The following HPS4 variants were observed in gnomAD, a reference collection of about 807,000 sequenced individuals.
HPS4 encodes the protein BLOC-3 complex member HPS4.
HPS4 carries 44 observed loss-of-function variants against 70.3 expected under a neutral mutation model. The observed-to-expected ratio is 0.63, with a 90% CI of 0.49 to 0.80. The LOEUF (loss-of-function observed/expected upper bound fraction) is 0.80, where lower values mean the gene tolerates loss of function less well. Ranked by LOEUF, HPS4 falls within the 30% of genes least tolerant of loss-of-function variation. The pLI is 0.00. For missense variants in HPS4, 873 were observed against 884.4 expected (o/e 0.99, Z 0.16); for synonymous variants, 377 against 355.9 (o/e 1.06, Z -0.67).
At chr22:26,455,384 A>C (rs2085913121) in intron 13 of HPS4, among the ~76,000 whole-genome samples, 1 of 151,890 alleles carries the variant, frequency 6.6e-6, no homozygotes, top group Admixed American at 6.6e-5. Context: ...CATATACACC[A>C]TGGAATACTA....
At chr22:26,468,189 CACCGT>C in intron 8 of HPS4, 1 of 306,838 alleles carries the variant, frequency 3.3e-6, no homozygotes, top group Non-Finnish European at 6.3e-6. Context: ...AGGTGTGAAC[CACCGT>C]GCCCAACCCC....
intron 6 of HPS4, chr22:26,471,398 C>A: frequency 2.2e-6 from 1 of 456,250 alleles, no homozygotes; most frequent in Non-Finnish European, 4.4e-6. Context: ...CCTAAAAATA[C>A]AAGAAAAGCA....
At chr22:26,450,317 G>T (rs2085102599), downstream of HPS4, among the ~76,000 whole-genome samples, 1 of 152,206 alleles carries the variant, frequency 6.6e-6, no homozygotes, top group African/African-American at 2.4e-5. Flanking sequence ...CCCACCCCGA[G>T]CAGGGCGGGG....
At chr22:26,461,877 A>C (rs1290266320) in intron 11 of HPS4, among the ~76,000 whole-genome samples, 1 of 152,222 alleles carries the variant, frequency 6.6e-6, no homozygotes, top group Admixed American at 6.5e-5. Flanking sequence ...CTGTAATCCC[A>C]GCACTTTGGG....
At position 26,453,694 on chromosome 22, in the gene HPS4, G is replaced by T. The variant is rs1334037156; in HGVS notation, c.1956-290C>A. ...ATAAGTATTGCATAAAGGAACTGTG[G>T]AGTGCTGGCTTTTTTGACATACTGG... is the stretch of plus-strand genomic sequence containing the variant. On this transcript the variant is annotated intron_variant, in intron 13 of 13. Transcript: ENST00000398145. 8 of 476,218 alleles carry T rather than the reference G, an allele frequency of 1.7e-5. No homozygotes were observed. The East Asian group carries it at 3.3e-4, about 20-fold the overall frequency. 29.5% of individuals were successfully genotyped at this position (476,218 alleles called of 1,614,324 possible).
At chr22:26,483,122 T>C (rs1448183278) in intron 1 of HPS4, among the ~76,000 whole-genome samples, 1 of 152,154 alleles carries the variant, frequency 6.6e-6, no homozygotes, top group African/African-American at 2.4e-5. Context: ...TCTAGATATT[T>C]TGGATTGGGC....
chr22:26,465,786 G>C, intron 9 of HPS4: 1 of 581,288 alleles, frequency 1.7e-6, no homozygotes, highest in Admixed American at 3.0e-5. Context: ...GAAGATGTTC[G>C]GGAGAGAAAG....
At chr22:26,480,355 T>C (rs573469376) in intron 2 of HPS4, among the ~76,000 whole-genome samples, 235 of 152,206 alleles carry the variant, frequency 1.5e-3, no homozygotes, top group African/African-American at 5.2e-3. Flanking sequence ...TTAAATTTTT[T>C]ATAGAAACGA....
chr22:26,453,157 G>A lies in HPS4; in HGVS notation c.*76C>T. 1 of 1,389,114 alleles carries A rather than the reference G, an allele frequency of 7.2e-7. No individual in the cohort carries two copies. The highest frequency in any genetic ancestry group is 1.2e-5 in the South Asian group (1 of 83,550). 86.0% of individuals were successfully genotyped at this position (1,389,114 alleles called of 1,614,324 possible). A position where few individuals can be genotyped will look rare whatever the true frequency, so the allele number is the denominator to read the frequency against. On this transcript the variant is annotated 3_prime_UTR_variant, in exon 14 of 14. Coordinates refer to ENST00000398145, the MANE Select transcript of HPS4 (RefSeq NM_022081.6). ...GAATGTTTTCAAGAAAAATAAAATAGAGGGGCCTTTTCAATTATAAAAGGC... is the reference window on the plus strand; with the variant it reads ...GAATGTTTTCAAGAAAAATAAAATAAAGGGGCCTTTTCAATTATAAAAGGC...
intron 9 of HPS4, 134 bp from the exon 10 acceptor site, chr22:26,465,685 C>T (rs762458331): frequency 2.2e-4 from 162 of 721,500 alleles, no homozygotes; most frequent in Non-Finnish European, 3.4e-4. Flanking sequence ...ATTCCTCAGC[C>T]AGGACACAGG....
At chr22:26,450,280 C>T (rs918904576), downstream of HPS4, among the ~76,000 whole-genome samples, 22 of 152,182 alleles carry the variant, frequency 1.4e-4, no homozygotes, top group African/African-American at 5.1e-4. Context: ...GGGAGGCTCA[C>T]ACCAGAGAAA....
intron 4 of HPS4, 148 bp from the exon 5 acceptor site, chr22:26,473,087 T>C (rs984817574): frequency 1.4e-6 from 1 of 703,270 alleles, no homozygotes; most frequent in African/African-American, 1.8e-5. Context: ...CCCTTCATTC[T>C]GGCCAAGTTA....
intron 5 of HPS4, among the ~76,000 whole-genome samples, chr22:26,472,630 T>C (rs1329789995): frequency 6.6e-6 from 1 of 152,160 alleles, no homozygotes; most frequent in Non-Finnish European, 1.5e-5. Context: ...AGGGAGGAGA[T>C]GGGGATAAAC....
At chr22:26,460,976 G>A (rs1028366880) in intron 11 of HPS4, among the ~76,000 whole-genome samples, 8 of 152,232 alleles carry the variant, frequency 5.3e-5, no homozygotes, top group Non-Finnish European at 1.0e-4. Context: ...GTGCAAAGCT[G>A]AAAATATTTG....
At chr22:26,463,864 CAGG>C (rs2087849581) in intron 11 of HPS4, 50 bp downstream of exon 11, 3 of 1,577,640 alleles carry the variant, frequency 1.9e-6, no homozygotes, top group East Asian at 2.2e-5. Context: ...GAGGGAAGCA[CAGG>C]AGATCGGCAG....
Position 26,451,478 on chromosome 22 carries a change from A to G in HPS4, c.*1755T>C, listed in dbSNP as rs2085181013. The G allele has an allele frequency of 6.6e-6, 1 of 152,244 alleles. No homozygotes were observed. Among genetic ancestry groups the G allele is most frequent in the East Asian group, 1.9e-4 (1 of 5,190 alleles). 9.4% of individuals were successfully genotyped at this position (152,244 alleles called of 1,614,324 possible). A position where few individuals can be genotyped will look rare whatever the true frequency, so the allele number is the denominator to read the frequency against. ...AGGAAAGAAAGGGGCACACCTGCAA[A>G]GTGAAGTTTCAGGACTTTACTTTTT... On this transcript the variant is annotated 3_prime_UTR_variant, in exon 14 of 14. Transcript: ENST00000398145.
In HPS4 at chr22:26,452,974, C is replaced by T. The variant is rs531146121; in HGVS notation, c.*259G>A. 2.1e-6 allele frequency: 1 copy of T among 484,454 alleles called. No homozygotes were observed. The allele number at this position is 484,454 out of a possible 1,614,324, so 30.0% of individuals were successfully genotyped here. A position where few individuals can be genotyped will look rare whatever the true frequency, so the allele number is the denominator to read the frequency against. On this transcript the variant is annotated 3_prime_UTR_variant, in exon 14 of 14. Coordinates refer to ENST00000398145, the MANE Select transcript of HPS4 (RefSeq NM_022081.6). ...CAGGCTCAGTATGGCAGAGAGGGAGCCAAGCCCGTCCCGGCCCCAACACTA... is the reference window on the plus strand; with the variant it reads ...CAGGCTCAGTATGGCAGAGAGGGAGTCAAGCCCGTCCCGGCCCCAACACTA...
At chr22:26,470,603 C>T (rs1287272056) in intron 7 of HPS4, 116 bp downstream of exon 7, 2 of 979,562 alleles carry the variant, frequency 2.0e-6, no homozygotes, top group African/African-American at 1.6e-5. Flanking sequence ...ATTTGCCGAA[C>T]CAGCCCACTT....
chr22:26,452,464 C>A lies in HPS4; in HGVS notation c.*769G>T. The A allele has an allele frequency of 4.6e-6, 2 of 432,148 alleles. No individual in the cohort carries two copies. The highest frequency in any genetic ancestry group is 9.3e-6 in the Non-Finnish European group (2 of 216,116). 26.8% of individuals were successfully genotyped at this position (432,148 alleles called of 1,614,324 possible). A position where few individuals can be genotyped will look rare whatever the true frequency, so the allele number is the denominator to read the frequency against. ...AAACTCCTATTTAGGGACACTCGCTCGAGAGGAACCAGCTGCACGGCCCAC... is the reference window on the plus strand; with the variant it reads ...AAACTCCTATTTAGGGACACTCGCTAGAGAGGAACCAGCTGCACGGCCCAC... On this transcript the variant is annotated 3_prime_UTR_variant, in exon 14 of 14. Coordinates refer to ENST00000398145, the MANE Select transcript of HPS4 (RefSeq NM_022081.6).
Sources: gnomAD v4.1 joint callset for allele counts (sites outside exome capture counted in the v4.1 genomes callset) on GRCh38, gnomAD v4.1.1 for gene constraint, MANE v1.5 for transcripts, NCBI Gene and HGNC (gene_info 2026-07-23, HGNC 2026-07-21) for gene names.